TUSC3: variants seen among roughly 807,000 people sequenced by gnomAD.
TUSC3 encodes the protein dolichyl-diphosphooligosaccharide--protein glycosyltransferase subunit TUSC3.
TUSC3 carries 45 observed loss-of-function variants against 44.8 expected under a neutral mutation model. The ratio of observed to expected loss-of-function variants is 1.00; its 90% CI spans 0.79 to 1.29. The LOEUF is 1.29. TUSC3 is among the 50% of genes most tolerant of loss of function. The pLI is 0.00. For synonymous variants in TUSC3, 212 were observed against 152.9 expected (o/e 1.39, Z -2.85); for missense variants, 519 against 437.9 (o/e 1.19, Z -1.65).
chr8:15,776,105 C>G, the TUSC3 span, among the ~76,000 whole-genome samples: 5 of 151,972 alleles, frequency 3.3e-5, no homozygotes, highest in East Asian at 7.7e-4. Flanking sequence ...CTTATCATGA[C>G]GGAGAGGGTA....
chr8:15,471,088 C>T (rs1027164074), intron 1 of TUSC3, among the ~76,000 whole-genome samples: 1 of 151,564 alleles, frequency 6.6e-6, no homozygotes, highest in Non-Finnish European at 1.5e-5. Context: ...TTTGTAATTA[C>T]CTGTTTACTA....
At chr8:15,548,086 T>C (rs1373717656) in intron 1 of TUSC3, among the ~76,000 whole-genome samples, 1 of 151,750 alleles carries the variant, frequency 6.6e-6, no homozygotes, top group Non-Finnish European at 1.5e-5. Flanking sequence ...ATGCTGGAAC[T>C]CTGATCTTGG....
At chr8:15,748,516 G>C in intron 9 of TUSC3, 51 bp downstream of exon 9, 2 of 1,388,656 alleles carry the variant, frequency 1.4e-6, no homozygotes, top group Non-Finnish European at 1.0e-6. Flanking sequence ...TAATAGAACA[G>C]AGTTTCAGTG....
chr8:15,694,899 T>TA (rs768302177), intron 6 of TUSC3, among the ~76,000 whole-genome samples: 1 of 152,168 alleles, frequency 6.6e-6, no homozygotes, highest in African/African-American at 2.4e-5. Flanking sequence ...CTGGTTCACT[T>TA]ACGCCAGCAG....
chr8:15,780,936 T>G, the TUSC3 span, among the ~76,000 whole-genome samples: 1 of 152,194 alleles, frequency 6.6e-6, no homozygotes, highest in Non-Finnish European at 1.5e-5. Flanking sequence ...GAGAAGAGGC[T>G]AAAGAGCAAA....
chr8:15,517,063 A>C (rs1801226267), intron 2 of TUSC3, among the ~76,000 whole-genome samples: 1 of 152,174 alleles, frequency 6.6e-6, no homozygotes, highest in Non-Finnish European at 1.5e-5. Flanking sequence ...CTTTATACCC[A>C]TGACCGACGT....
At chr8:15,447,037 T>A (rs1357683958) in intron 1 of TUSC3, among the ~76,000 whole-genome samples, 1 of 151,832 alleles carries the variant, frequency 6.6e-6, no homozygotes, top group Non-Finnish European at 1.5e-5. Flanking sequence ...TTCAATACTG[T>A]TTCCCAAATG....
At chr8:15,499,578 A>C (rs1800930616) in intron 2 of TUSC3, among the ~76,000 whole-genome samples, 1 of 152,150 alleles carries the variant, frequency 6.6e-6, no homozygotes, top group African/African-American at 2.4e-5. Flanking sequence ...CATTCAACAT[A>C]ATTTATAATC....
chr8:15,747,319 A>AT (rs1381923781), intron 8 of TUSC3, among the ~76,000 whole-genome samples: 22 of 151,926 alleles, frequency 1.4e-4, no homozygotes, highest in Non-Finnish European at 2.9e-4. Context: ...AACTTCAAAT[A>AT]TTTTTCAAAT....
the TUSC3 span, among the ~76,000 whole-genome samples, chr8:15,818,756 A>C: frequency 6.6e-6 from 1 of 152,220 alleles, no homozygotes; most frequent in African/African-American, 2.4e-5. Flanking sequence ...CTAAATACTC[A>C]TGTACTTGCT....
intron 2 of TUSC3, among the ~76,000 whole-genome samples, chr8:15,496,350 G>A (rs936907068): frequency 6.6e-6 from 1 of 152,112 alleles, no homozygotes; most frequent in Non-Finnish European, 1.5e-5. Flanking sequence ...ACGCCTCTAG[G>A]GGCCATCCTA....
chr8:15,541,727 A>C (rs1801698446), intron 1 of TUSC3, among the ~76,000 whole-genome samples: 1 of 152,084 alleles, frequency 6.6e-6, no homozygotes, highest in African/African-American at 2.4e-5. Flanking sequence ...CTGAAATTGT[A>C]TTTACAAATA....
intron 5 of TUSC3, among the ~76,000 whole-genome samples, chr8:15,664,792 A>G (rs1486653291): frequency 6.7e-6 from 1 of 149,480 alleles, no homozygotes; most frequent in African/African-American, 2.4e-5. Context: ...TTAAATATAT[A>G]ATATATAATT....
At chr8:15,846,377 C>G in the TUSC3 span, among the ~76,000 whole-genome samples, 1 of 152,086 alleles carries the variant, frequency 6.6e-6, no homozygotes, top group South Asian at 2.1e-4. Context: ...TGAATATATA[C>G]CCAAAGGATT....
At position 15,662,294 on chromosome 8, in the gene TUSC3, C is replaced by G. The variant is rs754800081; in HGVS notation, c.706C>G (p.Leu236Val). The G allele has an allele frequency of 6.2e-7, 1 of 1,612,610 alleles. No homozygotes were observed. The highest frequency in any genetic ancestry group is 8.5e-7 in the Non-Finnish European group (1 of 1,178,974). Residue 236 changes from leucine (L) to valine (V), a missense_variant and splice_region_variant, in exon 5 of 11, where the codon CTG (leucine) becomes GTG (valine). Coordinates refer to ENST00000503731, the MANE Select transcript of TUSC3 (RefSeq NM_006765.4). The part of the protein sequence containing the change: ...YNKTGWAMVS[L>V]CIVFAMTSGQ... ...CAAGACTGGTTGGGCCATGGTGTCT[C>G]TGGTATGTTAATACATTGTGCTTTT...
At chr8:15,462,355 G>C (rs757388478) in intron 1 of TUSC3, among the ~76,000 whole-genome samples, 1 of 151,984 alleles carries the variant, frequency 6.6e-6, no homozygotes, top group Non-Finnish European at 1.5e-5. Flanking sequence ...CAAAGTATCT[G>C]AAAAGACATT....
At chr8:15,442,407 G>A (rs1481177780) in intron 1 of TUSC3, among the ~76,000 whole-genome samples, 1 of 152,024 alleles carries the variant, frequency 6.6e-6, no homozygotes, top group African/African-American at 2.4e-5. Flanking sequence ...AAAGTTATTA[G>A]AAGGGCTAAT....
At chr8:15,624,482 CTATTT>C (rs1368371589) in intron 2 of TUSC3, among the ~76,000 whole-genome samples, 1 of 152,182 alleles carries the variant, frequency 6.6e-6, no homozygotes, top group African/African-American at 2.4e-5. Context: ...GCTGTTGTGA[CTATTT>C]TATTTTAGCC....
At chr8:15,821,462 T>G in the TUSC3 span, among the ~76,000 whole-genome samples, 1 of 151,830 alleles carries the variant, frequency 6.6e-6, no homozygotes, top group South Asian at 2.1e-4. Flanking sequence ...TATGATTTCT[T>G]CAAGATTTTT....
Sources: gnomAD v4.1 joint callset for allele counts (sites outside exome capture counted in the v4.1 genomes callset) on GRCh38, gnomAD v4.1.1 for gene constraint, MANE v1.5 for transcripts, NCBI Gene and HGNC (gene_info 2026-07-23, HGNC 2026-07-21) for gene names.